Variants in NHSL1 observed in about 807,000 individuals in gnomAD.
NHSL1 encodes NHS like 1.
In NHSL1, 48 loss-of-function variants were observed where a neutral mutation model predicts 95.0. That is an observed-to-expected ratio of 0.51 (90% confidence interval 0.40 to 0.64). The LOEUF (loss-of-function observed/expected upper bound fraction) is 0.64, where lower values mean the gene tolerates loss of function less well. Ranked by LOEUF, NHSL1 falls within the 30% of genes least tolerant of loss-of-function variation. The pLI, the probability that NHSL1 is intolerant of heterozygous loss-of-function variation, is 0.00. For missense variants in NHSL1, 1,971 were observed against 2,077.7 expected (o/e 0.95, Z 1.00); for synonymous variants, 783 against 833.9 (o/e 0.94, Z 1.05).
At chr6:138,466,053 A>AG (rs1778357937) in intron 3 of NHSL1, among the ~76,000 whole-genome samples, 1 of 111,788 alleles carries the variant, frequency 8.9e-6, no homozygotes, top group Admixed American at 1.2e-4. Context: ...GGGGGGGGGC[A>AG]GGGGGGAACA....
chr6:138,674,300 T>G (rs572605641), intron 1 of NHSL1, among the ~76,000 whole-genome samples: 1 of 152,114 alleles, frequency 6.6e-6, no homozygotes, highest in African/African-American at 2.4e-5. Flanking sequence ...AAGCGTGTAA[T>G]TTGGTTATTT....
At chr6:138,651,174 A>G (rs186384635) in intron 1 of NHSL1, among the ~76,000 whole-genome samples, 2 of 152,334 alleles carry the variant, frequency 1.3e-5, no homozygotes, top group Non-Finnish European at 2.9e-5. Context: ...ACTGACCTTT[A>G]TTGGTATTTC....
At chr6:138,469,861 T>C (rs372244455) in intron 3 of NHSL1, among the ~76,000 whole-genome samples, 12 of 152,284 alleles carry the variant, frequency 7.9e-5, no homozygotes, top group Admixed American at 3.9e-4. Context: ...GGCTACGTTA[T>C]AGTGGGTGGC....
At chr6:138,581,661 T>C (rs6936541) in intron 1 of NHSL1, among the ~76,000 whole-genome samples, 45,403 of 138,330 alleles carry the variant, frequency 0.33, 10,585 homozygotes, top group African/African-American at 0.68. Context: ...CACCGTACTC[T>C]GGCCTGGGTG....
Position 138,432,227 on chromosome 6 carries a change from G to C in NHSL1, c.2118C>G (p.His706Gln). 6.5e-7 allele frequency: 1 copy of C among 1,548,562 alleles called. No homozygotes were observed. Among genetic ancestry groups the C allele is most frequent in the Non-Finnish European group, 8.7e-7 (1 of 1,145,274 alleles). The change falls in exon 6 of 8, where the codon CAC becomes CAG. Residue 706 changes from histidine to glutamine, a missense_variant. By Grantham distance (24) the His-to-Gln change is conservative. Transcript: ENST00000343505. The surrounding 1 kb of genome is among the most constrained non-coding windows in gnomAD (Gnocchi z 4.4). ...TGCCTGGGAGGCTCAGCTGCAGCGA[G>C]TGCTGGAGTGTGGCGATCAGGCTCT... is the stretch of plus-strand genomic sequence containing the variant. ...LNESLIATLQ[H>Q]SLQLSLPGKS...
At chr6:138,515,297 C>G (rs1240264996) in intron 1 of NHSL1, among the ~76,000 whole-genome samples, 1 of 152,160 alleles carries the variant, frequency 6.6e-6, no homozygotes. Flanking sequence ...TGGCAGGGAG[C>G]TTTTAACTGG....
chr6:138,457,129 C>T (rs550324858), intron 3 of NHSL1, among the ~76,000 whole-genome samples: 7 of 152,272 alleles, frequency 4.6e-5, no homozygotes, highest in Middle Eastern at 3.4e-3. Flanking sequence ...GATCCGCCTG[C>T]CTCAGCCTCC....
intron 1 of NHSL1, among the ~76,000 whole-genome samples, chr6:138,657,355 T>C (rs79503435): frequency 0.012 from 1,819 of 152,316 alleles, 25 homozygotes; most frequent in African/African-American, 0.042. Context: ...TCATTTCTCA[T>C]AGATTTACCT....
chr6:138,527,663 A>G (rs577650423), intron 1 of NHSL1, among the ~76,000 whole-genome samples: 1 of 152,324 alleles, frequency 6.6e-6, no homozygotes, highest in East Asian at 1.9e-4. Context: ...CAAAGTGAAA[A>G]GATCCTCTTT....
chr6:138,425,705 T>A (rs1057185020), intron 7 of NHSL1, among the ~76,000 whole-genome samples: 1 of 152,226 alleles, frequency 6.6e-6, no homozygotes, highest in Non-Finnish European at 1.5e-5. Context: ...GAATATCCCC[T>A]GTACTAAGAT....
chr6:138,611,745 C>A (rs1784516219), intron 1 of NHSL1, among the ~76,000 whole-genome samples: 2 of 150,242 alleles, frequency 1.3e-5, no homozygotes, highest in Admixed American at 6.6e-5. Flanking sequence ...GACTCCAACA[C>A]AAAATAAAAA....
chr6:138,454,390 T>G (rs1020656866), intron 3 of NHSL1, among the ~76,000 whole-genome samples: 1 of 152,242 alleles, frequency 6.6e-6, no homozygotes, highest in African/African-American at 2.4e-5. Flanking sequence ...ACAATTGGGT[T>G]GTAAAAGATG....
chr6:138,662,140 T>C (rs1436157636), intron 1 of NHSL1, among the ~76,000 whole-genome samples: 1 of 138,210 alleles, frequency 7.2e-6, no homozygotes, highest in East Asian at 2.4e-4. Context: ...GTAAGCTTTT[T>C]TTCAGAAAAA....
At chr6:138,458,469 A>G (rs1026281213) in intron 3 of NHSL1, among the ~76,000 whole-genome samples, 6 of 152,196 alleles carry the variant, frequency 3.9e-5, no homozygotes, top group Non-Finnish European at 5.9e-5. Context: ...AGGTAGGTGG[A>G]TCACTTGAGG....
chr6:138,551,604 C>G (rs1261253371), intron 1 of NHSL1, among the ~76,000 whole-genome samples: 2 of 152,190 alleles, frequency 1.3e-5, no homozygotes, highest in African/African-American at 4.8e-5. Context: ...TTCTGAATCT[C>G]TCAGACAAGA....
At chr6:138,560,899 T>C (rs188237072) in intron 1 of NHSL1, among the ~76,000 whole-genome samples, 2 of 152,376 alleles carry the variant, frequency 1.3e-5, no homozygotes, top group Admixed American at 1.3e-4. Context: ...GCAAGGGAAC[T>C]GTATCGACAA....
intron 1 of NHSL1, among the ~76,000 whole-genome samples, chr6:138,513,231 C>A (rs1439631627): frequency 6.6e-6 from 1 of 152,222 alleles, no homozygotes; most frequent in Middle Eastern, 3.4e-3. Context: ...AAGAGCCTGG[C>A]GAACTTTAAA....
At chr6:138,467,888 A>C (rs1778495400) in intron 3 of NHSL1, among the ~76,000 whole-genome samples, 1 of 152,226 alleles carries the variant, frequency 6.6e-6, no homozygotes, top group African/African-American at 2.4e-5. Flanking sequence ...CAATAAGCTA[A>C]GGCTAATTTA....
chr6:138,424,164 G>C lies in NHSL1; in HGVS notation c.4738C>G (p.Pro1580Ala). Reference sequence around the variant, plus strand: ...CTGGCTGTCCCATCCACAGGGCCGGGGGCCTGGGGCTGCAGGGAGGCGGCA... The same window carrying C: ...CTGGCTGTCCCATCCACAGGGCCGGCGGCCTGGGGCTGCAGGGAGGCGGCA... Reference protein sequence around the residue: ...GPAASLQPQAPGPVDGTASAE... With the variant: ...GPAASLQPQAAGPVDGTASAE... The change falls in exon 8 of 8, where the codon CCC (proline) becomes GCC (alanine). Residue 1580 changes from proline (P) to alanine (A), a missense_variant. By Grantham distance (27) the Pro-to-Ala change is conservative. Around this residue, in one of 3 missense-constraint regions of NHSL1, gnomAD observed 223 missense variants for 217.0 expected, o/e 1.03. Coordinates refer to ENST00000343505, the MANE Select transcript of NHSL1 (RefSeq NM_001144060.2). This position sits in a 1 kb window ranked among gnomAD's most constrained non-coding sequence, Gnocchi z 5.9. 1 of 1,454,910 alleles carries C rather than the reference G, an allele frequency of 6.9e-7. No homozygotes were observed. The highest frequency in any genetic ancestry group is 1.4e-5 in the African/African-American group (1 of 70,188). 90.1% of individuals were successfully genotyped at this position (1,454,910 alleles called of 1,614,324 possible). A position where few individuals can be genotyped will look rare whatever the true frequency, so the allele number is the denominator to read the frequency against.
Sources: gnomAD v4.1 joint callset for allele counts (sites outside exome capture counted in the v4.1 genomes callset) on GRCh38, gnomAD v4.1.1 for gene constraint, gnomAD v4.1.1 regional missense constraint, Gnocchi (gnomAD v3.1) non-coding constraint, MANE v1.5 for transcripts, NCBI Gene and HGNC (gene_info 2026-07-23, HGNC 2026-07-21) for gene names.